AFAP1: variants seen among roughly 807,000 people sequenced by gnomAD.
AFAP1 encodes the protein actin filament-associated protein 1.
Under a neutral mutation model 93.9 loss-of-function variants are expected in AFAP1, and 75 were observed. The observed-to-expected ratio is 0.80, with a 90% CI of 0.66 to 0.97. The LOEUF is 0.97. Among genes scored for constraint, AFAP1 ranks in the 50% least tolerant of loss-of-function variants. The pLI is 0.00. For missense variants in AFAP1, 1,201 were observed against 1,050.8 expected (o/e 1.14, Z -1.98); for synonymous variants, 517 against 430.7 (o/e 1.20, Z -2.48).
At chr4:7,769,259 G>C (rs563261369) in intron 16 of AFAP1, among the ~76,000 whole-genome samples, 1 of 152,312 alleles carries the variant, frequency 6.6e-6, no homozygotes, top group East Asian at 1.9e-4. Flanking sequence ...GGCTGTGCCT[G>C]GGAAGCAGTG....
In AFAP1 at chr4:7,843,595, G is replaced by A. The variant is rs1713322940; in HGVS notation, c.335-245C>T. 5 of 448,308 alleles carry A rather than the reference G, an allele frequency of 1.1e-5. 1 individual carries two copies. 27.8% of individuals were successfully genotyped at this position (448,308 alleles called of 1,614,324 possible). On this transcript the variant is annotated intron_variant, in intron 4 of 17. Coordinates refer to ENST00000420658, the MANE Select transcript of AFAP1 (RefSeq NM_001134647.2). Reference sequence around the variant, plus strand: ...TCTGTGTTTATAAAAACTGTTTCTAGACTGTTTCATATGGACGGGACCCCA... The same window carrying A: ...TCTGTGTTTATAAAAACTGTTTCTAAACTGTTTCATATGGACGGGACCCCA...
At chr4:7,811,555 G>T (rs1720041432) in intron 8 of AFAP1, among the ~76,000 whole-genome samples, 1 of 152,046 alleles carries the variant, frequency 6.6e-6, no homozygotes, top group African/African-American at 2.4e-5. Context: ...CGCTAGGGCG[G>T]CAGAACATAC....
At chr4:7,937,122 A>G (rs1473377402) in intron 1 of AFAP1, among the ~76,000 whole-genome samples, 1 of 152,250 alleles carries the variant, frequency 6.6e-6, no homozygotes, top group Non-Finnish European at 1.5e-5. Context: ...TGTTGCACAT[A>G]AAACAATTAT....
chr4:7,893,420 A>G (rs1475306533), intron 1 of AFAP1, among the ~76,000 whole-genome samples: 1 of 152,036 alleles, frequency 6.6e-6, no homozygotes, highest in East Asian at 1.9e-4. Context: ...CTCTACTAAA[A>G]AATACAAAAA....
chr4:7,790,670 T>C (rs528118914), intron 11 of AFAP1, among the ~76,000 whole-genome samples: 22 of 152,312 alleles, frequency 1.4e-4, no homozygotes, highest in African/African-American at 5.3e-4. Context: ...TAAAAACACT[T>C]TAAATGTGCT....
At chr4:7,928,379 C>A (rs1307953833) in intron 1 of AFAP1, among the ~76,000 whole-genome samples, 1 of 152,068 alleles carries the variant, frequency 6.6e-6, no homozygotes, top group African/African-American at 2.4e-5. Flanking sequence ...AAATACTTTA[C>A]TAGGTTTTGT....
chr4:7,797,185 G>C (rs11725213), intron 10 of AFAP1, among the ~76,000 whole-genome samples: 16,527 of 152,196 alleles, frequency 0.11, 1,390 homozygotes, highest in East Asian at 0.48. Context: ...AATAAATGTA[G>C]AAGGAATAAC....
In AFAP1 at chr4:7,819,182, C is replaced by G. The variant is rs750710185; in HGVS notation, c.727-11G>C. ...GGCTTCTTTGATCACCTATAAAAAG[C>G]ACAGACACTTTGTGAGTATGCCCAA... On this transcript the variant is annotated splice_polypyrimidine_tract_variant and intron_variant, in intron 6 of 17. Transcript: ENST00000420658. The G allele has an allele frequency of 6.2e-7, 1 of 1,602,992 alleles. No homozygotes were observed. The highest frequency in any genetic ancestry group is 8.5e-7 in the Non-Finnish European group (1 of 1,175,310).
In AFAP1 at chr4:7,774,757, C is replaced by T. The variant is rs369088817; in HGVS notation, c.2044G>A (p.Ala682Thr). 1.1e-5 allele frequency: 17 copies of T among 1,614,058 alleles called. No homozygotes were observed. Among genetic ancestry groups the T allele is most frequent in the Non-Finnish European group, 1.4e-5 (17 of 1,180,032 alleles). Residue 682 changes from alanine to threonine, a missense_variant, in exon 15 of 18, where the codon GCT becomes ACT. Physicochemically the swap from Ala to Thr is moderately conservative, Grantham distance 58. Transcript: ENST00000420658. ...LRKERKDLRAAIEVNAGRKPQ... is the reference protein window; with the variant it reads ...LRKERKDLRATIEVNAGRKPQ... Reference sequence around the variant, plus strand: ...TTCATACCGGCGTTCACTTCAATAGCCGCTCGAAGGTCTTTTCTTTCCTTG... The same window carrying T: ...TTCATACCGGCGTTCACTTCAATAGTCGCTCGAAGGTCTTTTCTTTCCTTG...
At chr4:7,769,063 C>T (rs1715035075) in intron 16 of AFAP1, 55 bp from the exon 17 acceptor site, 5 of 1,501,508 alleles carry the variant, frequency 3.3e-6, no homozygotes, top group Admixed American at 2.2e-5. Flanking sequence ...CACTGGTATT[C>T]TCCAGCAGGA....
chr4:7,891,985 C>A (rs1289756406), intron 1 of AFAP1, among the ~76,000 whole-genome samples: 1 of 151,866 alleles, frequency 6.6e-6, no homozygotes, highest in African/African-American at 2.4e-5. Flanking sequence ...ACCCGGGAAG[C>A]GGAGGTTGCA....
At chr4:7,860,918 T>C (rs1317136011) in intron 3 of AFAP1, among the ~76,000 whole-genome samples, 4 of 152,140 alleles carry the variant, frequency 2.6e-5, no homozygotes, top group Non-Finnish European at 5.9e-5. Context: ...GCCGCTTGCC[T>C]CGCCTGCCTC....
chr4:7,898,338 G>A (rs992290887), intron 1 of AFAP1, among the ~76,000 whole-genome samples: 2 of 151,952 alleles, frequency 1.3e-5, no homozygotes, highest in Non-Finnish European at 2.9e-5. Flanking sequence ...AACCCAGAAG[G>A]CAGAGGTTGC....
chr4:7,806,411 C>T lies in AFAP1; in HGVS notation c.1054+3203G>A, dbSNP rs542985303. ...CAGCTCTGTCCTGCATTTAGGGGAA[C>T]GGCTGACCCAGCTGCACTGTGTGGA... is the stretch of plus-strand genomic sequence containing the variant. On this transcript the variant is annotated intron_variant, in intron 9 of 17. Coordinates refer to ENST00000420658, the MANE Select transcript of AFAP1 (RefSeq NM_001134647.2). Among the ~76,000 whole-genome samples the T allele has an allele frequency of 1.8e-4, 27 of 152,268 alleles. No individual in the cohort carries two copies. In the East Asian group the frequency reaches 3.7e-3, roughly 21 times the overall value.
intron 14 of AFAP1, chr4:7,775,980 TCTC>T (rs1205190560): frequency 9.2e-5 from 14 of 152,224 alleles, no homozygotes; most frequent in African/African-American, 2.9e-4. Context: ...CCCCATGCTC[TCTC>T]CTATTATGTT....
chr4:7,797,600 G>A (rs1361536770), intron 10 of AFAP1, among the ~76,000 whole-genome samples: 1 of 152,202 alleles, frequency 6.6e-6, no homozygotes, highest in African/African-American at 2.4e-5. Context: ...CGAGGCAGAG[G>A]GAGCAGGCTA....
At chr4:7,793,178 A>T (rs1718049235) in intron 11 of AFAP1, among the ~76,000 whole-genome samples, 1 of 151,976 alleles carries the variant, frequency 6.6e-6, no homozygotes, top group South Asian at 2.1e-4. Context: ...TTTTTTAAAA[A>T]AATCACAATT....
At chr4:7,804,625 G>A (rs1217677082) in intron 9 of AFAP1, among the ~76,000 whole-genome samples, 1 of 152,130 alleles carries the variant, frequency 6.6e-6, no homozygotes, top group Non-Finnish European at 1.5e-5. Flanking sequence ...CTCGAATTCC[G>A]GCAGCTGCAG....
At chr4:7,880,105 T>C (rs1717755679) in intron 1 of AFAP1, among the ~76,000 whole-genome samples, 1 of 152,170 alleles carries the variant, frequency 6.6e-6, no homozygotes, top group Admixed American at 6.5e-5. Context: ...CTTCACTATT[T>C]ACAGAAAATC....
Sources: allele counts gnomAD v4.1 joint callset (sites outside exome capture counted in the v4.1 genomes callset), GRCh38; gene constraint gnomAD v4.1.1; transcripts MANE v1.5; gene names NCBI Gene and HGNC (gene_info 2026-07-23, HGNC 2026-07-21).